SFXN5: variants seen among roughly 807,000 people sequenced by gnomAD.
The protein encoded by SFXN5 is sideroflexin-5.
Under a neutral mutation model 50.2 loss-of-function variants are expected in SFXN5, and 43 were observed. That is an observed-to-expected ratio of 0.86 (90% CI 0.67 to 1.11). The LOEUF (loss-of-function observed/expected upper bound fraction) is 1.11. Ranked by LOEUF, SFXN5 falls within the 50% of genes least tolerant of loss-of-function variation. The pLI is 0.00. For synonymous variants in SFXN5, 203 were observed against 185.8 expected (o/e 1.09, Z -0.75); for missense variants, 463 against 454.1 (o/e 1.02, Z -0.18).
At chr2:72,968,122 A>AACACACACACACAC (rs34361357) in intron 12 of SFXN5, among the ~76,000 whole-genome samples, 14 of 137,286 alleles carry the variant, frequency 1.0e-4, no homozygotes, top group Non-Finnish European at 9.4e-5. Context: ...CACACATGAA[A>AACACACACACACAC]ACACACACAC....
At chr2:73,066,123 G>T (rs1455316361) in intron 1 of SFXN5, among the ~76,000 whole-genome samples, 1 of 152,110 alleles carries the variant, frequency 6.6e-6, no homozygotes, top group Non-Finnish European at 1.5e-5. Context: ...GTTTACAGGA[G>T]AAACAAGGGA....
chr2:72,977,744 G>A (rs1187853470), intron 10 of SFXN5, among the ~76,000 whole-genome samples: 2 of 152,190 alleles, frequency 1.3e-5, no homozygotes, highest in Admixed American at 6.5e-5. Context: ...GGAGGCCGAT[G>A]TGAGTGGATC....
intron 13 of SFXN5, among the ~76,000 whole-genome samples, chr2:72,954,019 G>C (rs891085966): frequency 6.6e-6 from 1 of 152,126 alleles, no homozygotes; most frequent in Non-Finnish European, 1.5e-5. Flanking sequence ...CTGTAAGTGG[G>C]GAGGCAGGAA....
chr2:73,041,997 G>A (rs762941800), intron 2 of SFXN5, among the ~76,000 whole-genome samples: 17 of 152,122 alleles, frequency 1.1e-4, no homozygotes, highest in East Asian at 1.9e-4. Context: ...CACGGTGCCC[G>A]GCCAGGAGAA....
chr2:73,071,526 G>C, intron 1 of SFXN5, 78 bp downstream of exon 1: 1 of 1,383,102 alleles, frequency 7.2e-7, no homozygotes, highest in Non-Finnish European at 1.0e-6. Flanking sequence ...ACCCTTGGGC[G>C]GAAGGGGACT....
chr2:73,001,757 T>C (rs950674839), intron 6 of SFXN5, among the ~76,000 whole-genome samples, 179 bp from the exon 7 acceptor site: 11 of 152,204 alleles, frequency 7.2e-5, no homozygotes, highest in African/African-American at 2.7e-4. Flanking sequence ...AAAAACCAAG[T>C]TGCAGAATTA....
At chr2:72,951,510 C>T (rs1489954403) in intron 13 of SFXN5, among the ~76,000 whole-genome samples, 2 of 152,172 alleles carry the variant, frequency 1.3e-5, no homozygotes, top group African/African-American at 4.8e-5. Context: ...CCACCTCTGC[C>T]TCTACAGCCT....
At chr2:73,025,270 G>A (rs1305789031) in intron 3 of SFXN5, among the ~76,000 whole-genome samples, 1 of 152,050 alleles carries the variant, frequency 6.6e-6, no homozygotes, top group East Asian at 1.9e-4. Context: ...CCTGTACACA[G>A]ACTCCTGACA....
At chr2:73,040,812 T>A (rs767476559) in intron 3 of SFXN5, 42 bp downstream of exon 3, 179 of 1,515,066 alleles carry the variant, frequency 1.2e-4, no homozygotes, top group Admixed American at 1.5e-4. Context: ...TCACTTTCCT[T>A]CCCTTCCCCA....
At chr2:73,034,197 G>A (rs1464837949) in intron 3 of SFXN5, among the ~76,000 whole-genome samples, 6 of 152,136 alleles carry the variant, frequency 3.9e-5, no homozygotes, top group Non-Finnish European at 7.4e-5. Flanking sequence ...ACCTCCTACT[G>A]ATCACTTGCC....
intron 6 of SFXN5, chr2:73,020,011 T>G (rs1676659526): frequency 1.2e-5 from 6 of 506,440 alleles, no homozygotes; most frequent in Admixed American, 7.2e-5. Flanking sequence ...GAAGGCAATT[T>G]TCAACTCAAC....
intron 2 of SFXN5, among the ~76,000 whole-genome samples, chr2:73,050,208 G>A (rs1242995188): frequency 1.3e-5 from 2 of 152,146 alleles, no homozygotes; most frequent in Non-Finnish European, 2.9e-5. Flanking sequence ...GGCTGGTGCT[G>A]CATGCTGGTG....
rs147845998 is a variant in SFXN5 at position 72,945,058 on chromosome 2, C to T, written c.987G>A (p.Thr329=). ...TGTTGTACACCACTGTCCGGCTGCT[C>T]GTGGCCTGGGCTATCTCCGGCTCTA... The part of the protein sequence containing the change: ...SQLEPEIAQA[T]SSRTVVYNKG... Residue 329 remains threonine, a synonymous_variant, in exon 14 of 14, where the codon ACG becomes ACA. Coordinates refer to ENST00000272433, the MANE Select transcript of SFXN5 (RefSeq NM_144579.3). This position sits in a 1 kb window ranked among gnomAD's most constrained non-coding sequence, Gnocchi z 5.8. 22 of 1,613,884 alleles carry T rather than the reference C, an allele frequency of 1.4e-5. No individual in the cohort carries two copies. Among genetic ancestry groups the T allele is most frequent in the Non-Finnish European group, 1.6e-5 (19 of 1,179,922 alleles).
At chr2:72,998,629 G>A (rs941538272) in intron 9 of SFXN5, 10 of 351,254 alleles carry the variant, frequency 2.8e-5, no homozygotes, top group Admixed American at 8.6e-5. Context: ...CTCCAGCCAC[G>A]TTACCGAGCA....
At chr2:73,050,420 A>ACACACACACACACACACACAC (rs1553523879) in intron 2 of SFXN5, among the ~76,000 whole-genome samples, 1 of 140,676 alleles carries the variant, frequency 7.1e-6, no homozygotes, top group Non-Finnish European at 1.6e-5. Flanking sequence ...ACACACACAC[A>ACACACACACACACACACACAC]CCCCTGCAGA....
At chr2:72,957,682 G>A (rs558216145) in intron 13 of SFXN5, among the ~76,000 whole-genome samples, 42 of 152,372 alleles carry the variant, frequency 2.8e-4, no homozygotes, top group African/African-American at 8.4e-4. Context: ...TCCCTGTATG[G>A]CAGAAGAAGC....
At chr2:73,057,802 G>T (rs747479164) in intron 2 of SFXN5, among the ~76,000 whole-genome samples, 3 of 152,124 alleles carry the variant, frequency 2.0e-5, no homozygotes, top group Non-Finnish European at 4.4e-5. Context: ...GAGATCTGAT[G>T]GTTTGTAAGT....
At chr2:73,017,049 G>A (rs747260317) in intron 6 of SFXN5, among the ~76,000 whole-genome samples, 2 of 152,118 alleles carry the variant, frequency 1.3e-5, no homozygotes, top group Admixed American at 6.6e-5. Flanking sequence ...ATTCAAAACT[G>A]CAAGTATTGT....
chr2:73,033,814 G>C (rs1309429818), intron 3 of SFXN5, among the ~76,000 whole-genome samples: 1 of 152,180 alleles, frequency 6.6e-6, no homozygotes. Flanking sequence ...CTAGGAGGTG[G>C]ATTTTGCACC....
Sources: gnomAD v4.1 joint callset for allele counts (sites outside exome capture counted in the v4.1 genomes callset) on GRCh38, gnomAD v4.1.1 for gene constraint, Gnocchi (gnomAD v3.1) non-coding constraint, MANE v1.5 for transcripts, NCBI Gene and HGNC (gene_info 2026-07-23, HGNC 2026-07-21) for gene names.